PNPLA1: variants seen among roughly 807,000 people sequenced by gnomAD.
PNPLA1 encodes the protein omega-hydroxyceramide transacylase.
In PNPLA1, 36 loss-of-function variants were observed where a neutral mutation model predicts 51.7. That is an observed-to-expected ratio of 0.70 (90% CI 0.53 to 0.92). The LOEUF is 0.92. Ranked by LOEUF, PNPLA1 falls within the 40% of genes least tolerant of loss-of-function variation. The pLI, the probability that PNPLA1 is intolerant of heterozygous loss-of-function variation, is 0.00. For synonymous variants in PNPLA1, 293 were observed against 280.1 expected, an observed-to-expected ratio of 1.05 and a Z score of -0.46; for missense variants, 658 against 682.5, an observed-to-expected ratio of 0.96 and a Z score of 0.40.
intron 1 of PNPLA1, among the ~76,000 whole-genome samples, chr6:36,280,641 G>T (rs1263726836): frequency 6.6e-6 from 1 of 152,268 alleles, no homozygotes; most frequent in East Asian, 1.9e-4. Context: ...CCAGTTTCTT[G>T]TCTGATAACA....
intron 8 of PNPLA1, chr6:36,308,447 A>T (rs954409504): frequency 1.3e-5 from 2 of 152,286 alleles, no homozygotes; most frequent in East Asian, 3.9e-4. Flanking sequence ...GCATACAGTT[A>T]AGGGCCCTAG....
chr6:36,291,598 A>AACGGGGGGGGGGGGGGGTT, intron 2 of PNPLA1, 46 bp downstream of exon 2: 1 of 362,224 alleles, frequency 2.8e-6, no homozygotes, highest in Non-Finnish European at 5.7e-6. Context: ...GGGGCGGGGG[A>AACGGGGGGGGGGGGGGGTT]GGGCGGCTCC....
Position 36,313,438 on chromosome 6 carries a change from G to A in PNPLA1, c.*1552G>A, listed in dbSNP as rs1771448757. On this transcript the variant is annotated 3_prime_UTR_variant, in exon 9 of 9. Transcript: ENST00000636260. ...CAAAACCCAGAATGAATGGGTGGAG[G>A]ACCATACTAAACTGCCCTTTGGAGC... 6.6e-6 allele frequency among the ~76,000 whole-genome samples: 1 copy of A among 152,166 alleles called. No individual in the cohort carries two copies. Among genetic ancestry groups the A allele is most frequent in the Non-Finnish European group, 1.5e-5 (1 of 68,044 alleles).
intron 1 of PNPLA1, among the ~76,000 whole-genome samples, chr6:36,288,324 A>T (rs1770565872): frequency 6.6e-6 from 1 of 152,148 alleles, no homozygotes; most frequent in South Asian, 2.1e-4. Context: ...TTTTAAAATT[A>T]GATTATAGGC....
rs78236145 is a variant in PNPLA1 at position 36,292,685 on chromosome 6, A to C, written c.439-376A>C. Among the ~76,000 whole-genome samples the C allele has an allele frequency of 1.2e-4, 19 of 152,184 alleles. 1 individual carries two copies. In the East Asian group the frequency reaches 3.7e-3, roughly 29 times the overall value. On this transcript the variant is annotated intron_variant, in intron 2 of 8. Transcript: ENST00000636260. ...CACCCACTTGCTCACTCCCTCTCAT[A>C]GGGCACTCCCAAAGGTGGGCCTCTC... is the stretch of plus-strand genomic sequence containing the variant.
intron 8 of PNPLA1, among the ~76,000 whole-genome samples, chr6:36,308,972 T>C (rs9470251): frequency 0.66 from 100,991 of 152,008 alleles, 33,812 homozygotes; most frequent in African/African-American, 0.74. Context: ...GGAACAGACC[T>C]GCACTGCTAT....
intron 1 of PNPLA1, among the ~76,000 whole-genome samples, chr6:36,245,720 C>A (rs1769260173): frequency 6.6e-6 from 1 of 152,258 alleles, no homozygotes; most frequent in African/African-American, 2.4e-5. Flanking sequence ...TCATTCAGTC[C>A]TCACAACAGC....
intron 1 of PNPLA1, among the ~76,000 whole-genome samples, chr6:36,253,918 G>T (rs934069594): frequency 6.6e-6 from 1 of 152,116 alleles, no homozygotes; most frequent in African/African-American, 2.4e-5. Flanking sequence ...TATTCTCCCC[G>T]TGTGAGCTTA....
At chr6:36,298,279 T>C (rs1048672034) in intron 5 of PNPLA1, among the ~76,000 whole-genome samples, 1 of 152,226 alleles carries the variant, frequency 6.6e-6, no homozygotes, top group Non-Finnish European at 1.5e-5. Flanking sequence ...ATTTGGGCTA[T>C]TATGGATAAA....
Position 36,312,864 on chromosome 6 carries a change from GA to G in PNPLA1, c.*979del, listed in dbSNP as rs934931574. Among the ~76,000 whole-genome samples the G allele has an allele frequency of 6.6e-6, 1 of 152,146 alleles. No homozygotes were observed. Among genetic ancestry groups the G allele is most frequent in the Non-Finnish European group, 1.5e-5 (1 of 68,024 alleles). ...AACCTTGGCCTGAGCTTGCTTCTTT[GA>G]GATGAGCCAGATCATTTCTAGTCTC... On this transcript the variant is annotated 3_prime_UTR_variant, in exon 9 of 9. Transcript: ENST00000636260.
chr6:36,299,287 C>T (rs369516946), intron 5 of PNPLA1, among the ~76,000 whole-genome samples: 9 of 151,684 alleles, frequency 5.9e-5, no homozygotes, highest in South Asian at 4.2e-4. Context: ...AGTGGATGAG[C>T]GTTCCCATTC....
At chr6:36,254,790 C>G (rs1193676499) in intron 1 of PNPLA1, among the ~76,000 whole-genome samples, 3 of 152,058 alleles carry the variant, frequency 2.0e-5, no homozygotes, top group Non-Finnish European at 2.9e-5. Context: ...GGTAGACAGA[C>G]AGAAGTGGCT....
intron 1 of PNPLA1, among the ~76,000 whole-genome samples, chr6:36,255,902 G>A (rs1769522421): frequency 1.3e-5 from 2 of 152,184 alleles, no homozygotes; most frequent in African/African-American, 4.8e-5. Flanking sequence ...CTGAAATGCA[G>A]ATCTTAGATT....
At chr6:36,309,069 G>T (rs1053968927) in intron 8 of PNPLA1, among the ~76,000 whole-genome samples, 10 of 152,140 alleles carry the variant, frequency 6.6e-5, no homozygotes, top group Admixed American at 2.0e-4. Flanking sequence ...CCCAAGTGGG[G>T]TCCCTGGATG....
At chr6:36,282,192 A>AGAAG (rs372224931) in intron 1 of PNPLA1, among the ~76,000 whole-genome samples, 4,079 of 33,788 alleles carry the variant, frequency 0.12, 194 homozygotes, top group Middle Eastern at 0.26. Flanking sequence ...AAAGAAAGAA[A>AGAAG]GAAGGAAGGA....
rs1286069115 is a variant in PNPLA1 at position 36,270,427 on chromosome 6, T to A, written c.-33T>A. 6.5e-7 allele frequency: 1 copy of A among 1,548,756 alleles called. No homozygotes were observed. Among genetic ancestry groups the A allele is most frequent in the Non-Finnish European group, 8.7e-7 (1 of 1,145,682 alleles). ...GGGCAGGCAAGTGCTGAAGGGTGGCTCCGCCTTCCGCAGAAAGTCAGAGGC... is the reference window on the plus strand; with the variant it reads ...GGGCAGGCAAGTGCTGAAGGGTGGCACCGCCTTCCGCAGAAAGTCAGAGGC... On this transcript the variant is annotated 5_prime_UTR_variant, in exon 1 of 9. Transcript: ENST00000636260.
chr6:36,303,771 G>T (rs1040262428), intron 6 of PNPLA1, among the ~76,000 whole-genome samples: 5 of 152,242 alleles, frequency 3.3e-5, no homozygotes, highest in Non-Finnish European at 7.3e-5. Flanking sequence ...GGTGGAGGTT[G>T]CAGGGAGCCA....
intron 1 of PNPLA1, among the ~76,000 whole-genome samples, chr6:36,286,519 G>A (rs570161676): frequency 1.3e-5 from 2 of 152,154 alleles, no homozygotes; most frequent in East Asian, 3.9e-4. Context: ...GGAGGCTGAG[G>A]TGGGAGGATC....
At chr6:36,271,686 A>C (rs1769921007) in intron 1 of PNPLA1, among the ~76,000 whole-genome samples, 1 of 152,222 alleles carries the variant, frequency 6.6e-6, no homozygotes, top group Admixed American at 6.5e-5. Context: ...GGAGCTCCTG[A>C]AAAGGAGAAT....
Sources: allele counts gnomAD v4.1 joint callset (sites outside exome capture counted in the v4.1 genomes callset), GRCh38; gene constraint gnomAD v4.1.1; transcripts MANE v1.5; gene names NCBI Gene and HGNC (gene_info 2026-07-23, HGNC 2026-07-21).